The following FRAS1 variants were observed in gnomAD, a reference collection of about 807,000 sequenced individuals.
The protein encoded by FRAS1 is extracellular matrix organizing protein FRAS1.
FRAS1 carries 290 observed loss-of-function variants against 435.2 expected under a neutral mutation model. That is an observed-to-expected ratio of 0.67 (90% CI 0.61 to 0.73). The LOEUF (loss-of-function observed/expected upper bound fraction) is 0.73. FRAS1 is among the 30% of genes least tolerant of loss of function. The pLI, the probability that FRAS1 is intolerant of heterozygous loss-of-function variation, is 0.00. For missense variants in FRAS1, 4,860 were observed against 5,001.5 expected, an observed-to-expected ratio of 0.97 and a Z score of 0.85; for synonymous variants, 1,800 against 1,851.0, an observed-to-expected ratio of 0.97 and a Z score of 0.71.
chr4:78,261,019 A>G (rs1327021792), intron 6 of FRAS1, among the ~76,000 whole-genome samples: 1 of 152,088 alleles, frequency 6.6e-6, no homozygotes, highest in Non-Finnish European at 1.5e-5. Context: ...ACTTCTCCAG[A>G]AATATCTATG....
At chr4:78,392,422 C>G (rs1263706598) in intron 29 of FRAS1, among the ~76,000 whole-genome samples, 1 of 152,076 alleles carries the variant, frequency 6.6e-6, no homozygotes, top group East Asian at 1.9e-4. Flanking sequence ...ATCATTTCAG[C>G]TAACGTTTCT....
At chr4:78,121,231 G>T (rs781073908) in intron 2 of FRAS1, among the ~76,000 whole-genome samples, 1 of 152,152 alleles carries the variant, frequency 6.6e-6, no homozygotes, top group Non-Finnish European at 1.5e-5. Flanking sequence ...GATAGGAAGA[G>T]GTCTGATTAA....
In FRAS1 at chr4:78,448,148, G is replaced by A; in HGVS notation, c.6106G>A (p.Gly2036Arg). Residue 2036 changes from glycine (G) to arginine (R), a missense_variant, in exon 44 of 74, where the codon GGG becomes AGG. Coordinates refer to ENST00000512123, the MANE Select transcript of FRAS1 (RefSeq NM_025074.7). The stretch of plus-strand genomic sequence containing the variant: ...CTTCACCTACCAGGATATCCTAGCT[G>A]GGCTGGTTGGGTATGTGCCTAGTGT... The part of the protein sequence containing the change: ...STFTYQDILA[G>R]LVGYVPSVPG... 1.2e-6 allele frequency: 2 copies of A among 1,613,696 alleles called. No individual in the cohort carries two copies. Among genetic ancestry groups the A allele is most frequent in the East Asian group, 2.2e-5 (1 of 44,878 alleles).
At chr4:78,265,533 G>A (rs560739844) in intron 7 of FRAS1, among the ~76,000 whole-genome samples, 1 of 152,300 alleles carries the variant, frequency 6.6e-6, no homozygotes, top group African/African-American at 2.4e-5. Context: ...GGCGGTGGTA[G>A]AAGACAGAGG....
At chr4:78,468,602 C>T (rs772264165) in intron 50 of FRAS1, among the ~76,000 whole-genome samples, 7 of 152,166 alleles carry the variant, frequency 4.6e-5, no homozygotes, top group East Asian at 1.9e-4. Flanking sequence ...CTAAAGGAAT[C>T]GCTGTCTTCT....
chr4:78,457,082 A>G (rs2645147), intron 47 of FRAS1, among the ~76,000 whole-genome samples: 112,122 of 152,072 alleles, frequency 0.74, 41,709 homozygotes, highest in African/African-American at 0.79. Flanking sequence ...TCAAAGCCTA[A>G]AGTGACATAA....
intron 55 of FRAS1, among the ~76,000 whole-genome samples, 168 bp from the exon 56 acceptor site, chr4:78,479,206 A>G (rs995076610): frequency 6.6e-6 from 1 of 152,362 alleles, no homozygotes; most frequent in East Asian, 1.9e-4. Flanking sequence ...CAAGTGGTTT[A>G]TACCACAGGC....
intron 14 of FRAS1, among the ~76,000 whole-genome samples, chr4:78,303,904 T>A (rs375964250): frequency 6.7e-6 from 1 of 150,228 alleles, no homozygotes; most frequent in African/African-American, 2.4e-5. Context: ...TGAATAGGAG[T>A]GGTGAGAGAG....
At chr4:78,367,881 G>A (rs1259274344) in intron 22 of FRAS1, among the ~76,000 whole-genome samples, 1 of 152,020 alleles carries the variant, frequency 6.6e-6, no homozygotes, top group African/African-American at 2.4e-5. Flanking sequence ...TATTGACATG[G>A]TTTCTTTGTT....
intron 2 of FRAS1, among the ~76,000 whole-genome samples, chr4:78,117,231 G>A (rs1028459209): frequency 1.3e-5 from 2 of 152,318 alleles, no homozygotes; most frequent in East Asian, 1.9e-4. Context: ...CCCTTTGTGG[G>A]TAACCTGACC....
chr4:78,386,105 C>A (rs1732208271), intron 28 of FRAS1, among the ~76,000 whole-genome samples: 1 of 152,122 alleles, frequency 6.6e-6, no homozygotes, highest in Admixed American at 6.5e-5. Context: ...CATGGTTCCC[C>A]AAGTGTGGCT....
At position 78,472,191 on chromosome 4, in the gene FRAS1, G is replaced by T; in HGVS notation, c.7383G>T (p.Leu2461=). Reference sequence around the variant, plus strand: ...GGTTTCTATTCTAGGCAACCAACCTGATCACCAAGAAGGAACTGCTGACCA... The same window carrying T: ...GGTTTCTATTCTAGGCAACCAACCTTATCACCAAGAAGGAACTGCTGACCA... ...LEYMDGKATN[L]ITKKELLTMD... The change falls in exon 52 of 74, where the codon CTG becomes CTT. Residue 2461 remains leucine (L), a synonymous_variant. Transcript: ENST00000512123. 1 of 1,613,894 alleles carries T rather than the reference G, an allele frequency of 6.2e-7. No individual in the cohort carries two copies. The highest frequency in any genetic ancestry group is 8.5e-7 in the Non-Finnish European group (1 of 1,179,816).
At chr4:78,080,055 C>T (rs1285456460) in intron 2 of FRAS1, among the ~76,000 whole-genome samples, 4 of 152,094 alleles carry the variant, frequency 2.6e-5, no homozygotes, top group South Asian at 2.1e-4. Flanking sequence ...TCTCTTAACT[C>T]CCCTTTGGCC....
At chr4:78,525,228 G>C (rs1465835582) in intron 69 of FRAS1, among the ~76,000 whole-genome samples, 1 of 152,188 alleles carries the variant, frequency 6.6e-6, no homozygotes, top group Non-Finnish European at 1.5e-5. Context: ...GCCAGGCATG[G>C]ATTGTTCTGC....
intron 8 of FRAS1, 56 bp from the exon 9 acceptor site, chr4:78,267,185 T>C: frequency 3.2e-6 from 5 of 1,556,210 alleles, no homozygotes; most frequent in East Asian, 2.3e-5. Flanking sequence ...CTCTGTTGGC[T>C]TGGGTGTTTC....
At chr4:78,430,461 ATT>A (rs1264711144) in intron 37 of FRAS1, 44 bp downstream of exon 37, 1 of 1,582,936 alleles carries the variant, frequency 6.3e-7, no homozygotes, top group African/African-American at 1.4e-5. Flanking sequence ...TGCTTGGAGG[ATT>A]TTTTGCTCTA....
At chr4:78,209,152 C>CA (rs370469380) in intron 2 of FRAS1, among the ~76,000 whole-genome samples, 1,732 of 142,012 alleles carry the variant, frequency 0.012, 16 homozygotes, top group African/African-American at 0.038. Flanking sequence ...GTAAAAAAAA[C>CA]AAAAAAAAAA....
chr4:78,088,770 T>C (rs1235788623), intron 2 of FRAS1, among the ~76,000 whole-genome samples: 4 of 152,188 alleles, frequency 2.6e-5, no homozygotes, highest in East Asian at 1.9e-4. Flanking sequence ...ATTAAAAAGT[T>C]AGGAAACCAC....
intron 41 of FRAS1, among the ~76,000 whole-genome samples, chr4:78,443,151 C>A (rs1734724998): frequency 6.6e-6 from 1 of 152,080 alleles, no homozygotes; most frequent in African/African-American, 2.4e-5. Flanking sequence ...GTATTTGAGA[C>A]CAGTCTGGGC....
Sources: allele counts gnomAD v4.1 joint callset (sites outside exome capture counted in the v4.1 genomes callset), GRCh38; gene constraint gnomAD v4.1.1; transcripts MANE v1.5; gene names NCBI Gene and HGNC (gene_info 2026-07-23, HGNC 2026-07-21).